The following FGF1 variants were observed in gnomAD, a reference collection of about 807,000 sequenced individuals.
FGF1 encodes fibroblast growth factor 1, also known as beta-endothelial cell growth factor.
FGF1 carries 9 observed loss-of-function variants against 13.4 expected under a neutral mutation model. The observed-to-expected ratio is 0.67, with a 90% CI of 0.40 to 1.17. The LOEUF (loss-of-function observed/expected upper bound fraction) is 1.17, where lower values mean the gene tolerates loss of function less well. FGF1 is among the 50% of genes most tolerant of loss of function. The pLI is 0.01. For missense variants in FGF1, 156 were observed against 192.7 expected (o/e 0.81, Z 1.13); for synonymous variants, 93 against 79.0 (o/e 1.18, Z -0.94).
At chr5:142,678,034 A>G (rs1772983941) in intron 1 of FGF1, among the ~76,000 whole-genome samples, 1 of 152,148 alleles carries the variant, frequency 6.6e-6, no homozygotes, top group South Asian at 2.1e-4. Context: ...TCCCAGGCAG[A>G]TGAAACAGCA....
chr5:142,603,564 G>A (rs1757035369), intron 2 of FGF1, among the ~76,000 whole-genome samples: 1 of 152,162 alleles, frequency 6.6e-6, no homozygotes, highest in African/African-American at 2.4e-5. Flanking sequence ...TCCCTCTGGG[G>A]TCCTCAGCAC....
At chr5:142,692,721 A>G (rs900933061) in intron 2 of FGF1, among the ~76,000 whole-genome samples, 9 of 151,982 alleles carry the variant, frequency 5.9e-5, no homozygotes, top group Admixed American at 2.0e-4. Context: ...ACACACACAC[A>G]CACAGTTTTA....
At chr5:142,661,166 A>G (rs1280345976) in intron 1 of FGF1, among the ~76,000 whole-genome samples, 2 of 152,264 alleles carry the variant, frequency 1.3e-5, no homozygotes, top group African/African-American at 4.8e-5. Flanking sequence ...CACCTGTGAC[A>G]TGCAGGCATT....
At chr5:142,627,279 C>T (rs143996383) in intron 1 of FGF1, 60 of 152,244 alleles carry the variant, frequency 3.9e-4, no homozygotes, top group African/African-American at 1.4e-3. Context: ...AACACCTCTC[C>T]TTCTTCTCCA....
chr5:142,641,319 G>T (rs915857317), intron 1 of FGF1, among the ~76,000 whole-genome samples: 1 of 151,994 alleles, frequency 6.6e-6, no homozygotes, highest in African/African-American at 2.4e-5. Context: ...CTGCTGTCTG[G>T]TTAGCTGGTT....
chr5:142,596,264 G>A (rs17223926), intron 3 of FGF1, among the ~76,000 whole-genome samples: 2,038 of 114,516 alleles, frequency 0.018, no homozygotes, highest in Middle Eastern at 0.12. Context: ...GAGCCCAGGA[G>A]TTTGAGGCCA....
intron 1 of FGF1, among the ~76,000 whole-genome samples, chr5:142,659,829 G>A (rs1768871421): frequency 6.6e-6 from 1 of 152,212 alleles, no homozygotes; most frequent in South Asian, 2.1e-4. Context: ...GTCTCCAAAT[G>A]CTTCTGAGAG....
At chr5:142,606,056 AC>A (rs1026602169) in intron 2 of FGF1, among the ~76,000 whole-genome samples, 1 of 151,802 alleles carries the variant, frequency 6.6e-6, no homozygotes, top group African/African-American at 2.4e-5. Flanking sequence ...GCTGGGACTT[AC>A]GCTCAGCGCC....
intron 1 of FGF1, chr5:142,627,170 G>A (rs1762595985): frequency 6.6e-6 from 1 of 152,188 alleles, no homozygotes; most frequent in African/African-American, 2.4e-5. Flanking sequence ...CATTTGGGAT[G>A]AATAAACAAG....
chr5:142,638,275 T>TG (rs1764615378), intron 1 of FGF1, among the ~76,000 whole-genome samples: 1 of 151,996 alleles, frequency 6.6e-6, no homozygotes, highest in South Asian at 2.1e-4. Context: ...CCTTTGAACT[T>TG]GCTTTTCCGT....
At chr5:142,664,568 T>C (rs948852354) in intron 1 of FGF1, among the ~76,000 whole-genome samples, 1 of 152,272 alleles carries the variant, frequency 6.6e-6, no homozygotes, top group Non-Finnish European at 1.5e-5. Flanking sequence ...AACATTCTTT[T>C]TCTTCATGGT....
chr5:142,656,663 G>A (rs1456164266), intron 1 of FGF1, among the ~76,000 whole-genome samples: 1 of 152,212 alleles, frequency 6.6e-6, no homozygotes, highest in Non-Finnish European at 1.5e-5. Flanking sequence ...GATAAAATAA[G>A]TTATGGGTCT....
intron 1 of FGF1, among the ~76,000 whole-genome samples, chr5:142,615,686 TATC>T (rs1210905771): frequency 2.6e-5 from 4 of 152,188 alleles, no homozygotes; most frequent in Non-Finnish European, 4.4e-5. Flanking sequence ...ACACTAATAT[TATC>T]ATCATTTTTA....
At chr5:142,603,648 A>C (rs1357857789) in intron 2 of FGF1, among the ~76,000 whole-genome samples, 1 of 152,166 alleles carries the variant, frequency 6.6e-6, no homozygotes, top group Non-Finnish European at 1.5e-5. Flanking sequence ...TAATATTGGC[A>C]GAGATGATTC....
chr5:142,688,612 C>A (rs1030712089), upstream of FGF1, among the ~76,000 whole-genome samples: 1 of 152,220 alleles, frequency 6.6e-6, no homozygotes, highest in Non-Finnish European at 1.5e-5. Flanking sequence ...ACTTTAAAAG[C>A]CATTTCTGCC....
chr5:142,618,670 A>G (rs1760744162), intron 1 of FGF1, among the ~76,000 whole-genome samples: 1 of 152,208 alleles, frequency 6.6e-6, no homozygotes. Flanking sequence ...CAAACATAGC[A>G]GAGAAGATGA....
intron 1 of FGF1, among the ~76,000 whole-genome samples, chr5:142,625,253 A>C (rs1346602224): frequency 6.6e-6 from 1 of 151,696 alleles, no homozygotes; most frequent in African/African-American, 2.4e-5. Context: ...TGTGTCACCA[A>C]ACAGCTCAGT....
At chr5:142,649,238 T>A (rs938052153) in intron 1 of FGF1, among the ~76,000 whole-genome samples, 2 of 152,222 alleles carry the variant, frequency 1.3e-5, no homozygotes, top group African/African-American at 4.8e-5. Flanking sequence ...GTGACACACA[T>A]CAACAGCTTG....
chr5:142,596,128 T>C (rs532969087), intron 3 of FGF1, among the ~76,000 whole-genome samples: 1 of 152,240 alleles, frequency 6.6e-6, no homozygotes, highest in Non-Finnish European at 1.5e-5. Context: ...TTTTTTAAAA[T>C]GAAAATAGCT....
Sources: gnomAD v4.1 joint callset for allele counts (sites outside exome capture counted in the v4.1 genomes callset) on GRCh38, gnomAD v4.1.1 for gene constraint, MANE v1.5 for transcripts, NCBI Gene and HGNC (gene_info 2026-07-23, HGNC 2026-07-21) for gene names.